The following ADAMTS9 variants were observed in gnomAD, a reference collection of about 807,000 sequenced individuals.
The protein encoded by ADAMTS9 is A disintegrin and metalloproteinase with thrombospondin motifs 9.
ADAMTS9 carries 107 observed loss-of-function variants against 257.1 expected under a neutral mutation model. The observed-to-expected ratio is 0.42, with a 90% CI of 0.36 to 0.49. ADAMTS9 has a LOEUF of 0.49. Among genes scored for constraint, ADAMTS9 ranks in the 20% least tolerant of loss-of-function variants. The probability of loss-of-function intolerance (pLI) is 0.03; values close to 1 mark genes in which losing one functional copy is unlikely to be tolerated. For missense variants in ADAMTS9, 2,353 were observed against 2,469.1 expected (o/e 0.95, Z 1.00); for synonymous variants, 982 against 880.9 (o/e 1.11, Z -2.03).
intron 22 of ADAMTS9, among the ~76,000 whole-genome samples, chr3:64,612,222 A>G (rs2084677003): frequency 6.6e-6 from 1 of 152,154 alleles, no homozygotes; most frequent in South Asian, 2.1e-4. Context: ...AAGATCTCTA[A>G]TTATAAGATG....
chr3:64,561,911 A>G, intron 29 of ADAMTS9, 160 bp from the exon 30 acceptor site: 1 of 658,934 alleles, frequency 1.5e-6, no homozygotes, highest in South Asian at 2.0e-5. Flanking sequence ...ATCCTAGATC[A>G]TGTCTTAAAC....
intron 32 of ADAMTS9, among the ~76,000 whole-genome samples, chr3:64,545,300 C>A (rs2083182583): frequency 6.6e-6 from 1 of 152,196 alleles, no homozygotes; most frequent in Non-Finnish European, 1.5e-5. Context: ...TATAAAGACA[C>A]ATGCACACGT....
Position 64,568,544 on chromosome 3 carries a change from T to G in ADAMTS9, c.4357-9A>C. On this transcript the variant is annotated splice_polypyrimidine_tract_variant and intron_variant, in intron 28 of 39. Coordinates refer to ENST00000498707, the MANE Select transcript of ADAMTS9 (RefSeq NM_182920.2). ...CCACAAGAGACAGAACACTGCAATA[T>G]AAAGCAATGGCAAGGTTGTTGTTGT... 1.2e-6 allele frequency: 2 copies of G among 1,610,774 alleles called. No individual in the cohort carries two copies. Among genetic ancestry groups the G allele is most frequent in the Non-Finnish European group, 1.7e-6 (2 of 1,179,202 alleles).
Position 64,649,638 on chromosome 3 carries a change from A to G in ADAMTS9, c.1604T>C (p.Met535Thr). 1 of 1,612,504 alleles carries G rather than the reference A, an allele frequency of 6.2e-7. No individual in the cohort carries two copies. Among genetic ancestry groups the G allele is most frequent in the Non-Finnish European group, 8.5e-7 (1 of 1,179,254 alleles). Residue 535 changes from methionine to threonine, a missense_variant and splice_region_variant, in exon 10 of 40, where the codon ATG (methionine) becomes ACG (threonine). Coordinates refer to ENST00000498707, the MANE Select transcript of ADAMTS9 (RefSeq NM_182920.2). ...CAGAAGTGGCCCTCCTACACTTACC[A>G]TATATGGGCACACCTGAGAACCTGG... ...FGPGSQVCPY[M>T]MQCRRLWCNN...
chr3:64,607,136 C>G (rs2084570153), intron 22 of ADAMTS9, 57 bp from the exon 23 acceptor site: 1 of 1,596,824 alleles, frequency 6.3e-7, no homozygotes, highest in South Asian at 1.1e-5. Flanking sequence ...CTTTCCCTTA[C>G]TTTCCCCATA....
rs2084511983 is a variant in ADAMTS9 at position 64,604,002 on chromosome 3, C to T, written c.3667G>A (p.Ala1223Thr). The change falls in exon 25 of 40, where the codon GCT becomes ACT. Residue 1223 changes from alanine (A) to threonine (T), a missense_variant. Coordinates refer to ENST00000498707, the MANE Select transcript of ADAMTS9 (RefSeq NM_182920.2). ...NGSVADESAC[A>T]TLPRPVAKEE... is the part of the protein sequence containing the mutation. ...TTTGCCACTGGTCTAGGCAGGGTAG[C>T]ACAGGCACTCTCGTCAGCCACAGAG... 1 of 1,613,964 alleles carries T rather than the reference C, an allele frequency of 6.2e-7. No individual in the cohort carries two copies. Among genetic ancestry groups the T allele is most frequent in the Admixed American group, 1.7e-5 (1 of 59,988 alleles).
chr3:64,656,721 G>A lies in ADAMTS9; in HGVS notation c.970-846C>T, dbSNP rs188856234. ...GTTCCCTTCCCTCATGGGCATGAGA[G>A]GGCTGGAGTATCTGGGACTGAGCGG... is the stretch of plus-strand genomic sequence containing the variant. On this transcript the variant is annotated intron_variant, in intron 4 of 39. Transcript: ENST00000498707. Among the ~76,000 whole-genome samples, 11 of 152,274 alleles carry A rather than the reference G, an allele frequency of 7.2e-5. No homozygotes were observed. The East Asian group carries it at 2.1e-3, about 29-fold the overall frequency.
intron 38 of ADAMTS9, among the ~76,000 whole-genome samples, chr3:64,527,740 A>G (rs1353110586): frequency 6.6e-6 from 1 of 152,162 alleles, no homozygotes; most frequent in Admixed American, 6.5e-5. Context: ...GAATATACAG[A>G]ATAAAAATTA....
At position 64,686,465 on chromosome 3, in the gene ADAMTS9, G is replaced by T; in HGVS notation, c.516+103C>A. ...TGATATTTAACGCCGGAGAGGAGCG[G>T]AGCCTCGCCACAGTGAGGGTCTCTA... On this transcript the variant is annotated intron_variant, in intron 2 of 39. Coordinates refer to ENST00000498707, the MANE Select transcript of ADAMTS9 (RefSeq NM_182920.2). This position sits in a 1 kb window ranked among gnomAD's most constrained non-coding sequence, Gnocchi z 4.6. 10 of 1,404,352 alleles carry T rather than the reference G, an allele frequency of 7.1e-6. No individual in the cohort carries two copies. The highest frequency in any genetic ancestry group is 8.5e-6 in the Non-Finnish European group (9 of 1,056,128). The allele number at this position is 1,404,352 out of a possible 1,614,324, so 87.0% of individuals were successfully genotyped here.
intron 29 of ADAMTS9, among the ~76,000 whole-genome samples, chr3:64,566,301 C>T (rs1357359262): frequency 6.6e-6 from 1 of 152,142 alleles, no homozygotes; most frequent in Non-Finnish European, 1.5e-5. Flanking sequence ...TTCTAAATTG[C>T]CCAAATTGAA....
Position 64,686,040 on chromosome 3 carries a change from C to A in ADAMTS9, c.516+528G>T, listed in dbSNP as rs1193411328. Among the ~76,000 whole-genome samples, 3 of 152,188 alleles carry A rather than the reference C, an allele frequency of 2.0e-5. No individual in the cohort carries two copies. The highest frequency in any genetic ancestry group is 3.9e-4 in the East Asian group (2 of 5,178). On this transcript the variant is annotated intron_variant, in intron 2 of 39. Transcript: ENST00000498707. This position sits in a 1 kb window ranked among gnomAD's most constrained non-coding sequence, Gnocchi z 4.6. ...TCCAGTTCAGCCTCAGGGTTCCTGGCGCGTGAATAAAGGCCCTGAGAGAAA... is the reference window on the plus strand; with the variant it reads ...TCCAGTTCAGCCTCAGGGTTCCTGGAGCGTGAATAAAGGCCCTGAGAGAAA...
chr3:64,586,882 C>A (rs1478554667), intron 28 of ADAMTS9: 1 of 152,120 alleles, frequency 6.6e-6, no homozygotes, highest in African/African-American at 2.4e-5. Context: ...AAGCTGCCTT[C>A]CTGAAACTTT....
chr3:64,566,442 G>C (rs891004812), intron 29 of ADAMTS9, among the ~76,000 whole-genome samples: 1 of 152,126 alleles, frequency 6.6e-6, no homozygotes, highest in Non-Finnish European at 1.5e-5. Flanking sequence ...AAGGTGACTT[G>C]ACTTTTCCGA....
intron 28 of ADAMTS9, chr3:64,582,732 A>T (rs1165784133): frequency 6.6e-6 from 1 of 152,234 alleles, no homozygotes; most frequent in African/African-American, 2.4e-5. Flanking sequence ...ACAAAAAATT[A>T]TCTGGCCCCA....
chr3:64,636,674 A>C (rs1700503635), intron 12 of ADAMTS9, among the ~76,000 whole-genome samples: 1 of 152,186 alleles, frequency 6.6e-6, no homozygotes, highest in Non-Finnish European at 1.5e-5. Flanking sequence ...AATTGAAAAA[A>C]ATTTTTACAA....
intron 28 of ADAMTS9, chr3:64,586,818 G>C (rs1248135040): frequency 1.3e-5 from 2 of 152,062 alleles, no homozygotes; most frequent in African/African-American, 4.8e-5. Context: ...TTGAAACAGA[G>C]CCCTGCAAAG....
intron 31 of ADAMTS9, among the ~76,000 whole-genome samples, chr3:64,547,433 C>T (rs1343031013): frequency 1.3e-5 from 2 of 150,762 alleles, no homozygotes; most frequent in Admixed American, 1.3e-4. Flanking sequence ...GGACTGTTTT[C>T]CTTCCCTCCG....
chr3:64,541,174 T>A lies in ADAMTS9; in HGVS notation c.5442A>T (p.Gln1814His), dbSNP rs759315592. ...PYNGSRRDDC[Q>H]CRKDYTAAGF... ...CAGCGGCCGTGTAATCCTTCCGACA[T>A]TGGCAGTCATCGCGCCGGCTCCCGT... The change falls in exon 36 of 40, where the codon CAA becomes CAT. Residue 1814 changes from glutamine to histidine, a missense_variant. Coordinates refer to ENST00000498707, the MANE Select transcript of ADAMTS9 (RefSeq NM_182920.2). 6.2e-7 allele frequency: 1 copy of A among 1,614,198 alleles called. No individual in the cohort carries two copies. Among genetic ancestry groups the A allele is most frequent in the South Asian group, 1.1e-5 (1 of 91,080 alleles).
chr3:64,545,941 G>C (rs2083191892), intron 32 of ADAMTS9, among the ~76,000 whole-genome samples: 1 of 152,048 alleles, frequency 6.6e-6, no homozygotes, highest in Non-Finnish European at 1.5e-5. Flanking sequence ...CCAGAGCCAG[G>C]GGGCTGTGAC....
Sources: allele counts gnomAD v4.1 joint callset (sites outside exome capture counted in the v4.1 genomes callset), GRCh38; gene constraint gnomAD v4.1.1; non-coding constraint Gnocchi (gnomAD v3.1); transcripts MANE v1.5; gene names NCBI Gene and HGNC (gene_info 2026-07-23, HGNC 2026-07-21).